AKIRIN1: variants seen among roughly 807,000 people sequenced by gnomAD.
The protein encoded by AKIRIN1 is akirin-1.
AKIRIN1 carries 4 observed loss-of-function variants against 25.9 expected under a neutral mutation model. That is an observed-to-expected ratio of 0.15 (90% CI 0.08 to 0.35). The LOEUF (loss-of-function observed/expected upper bound fraction) is 0.35, where lower values mean the gene tolerates loss of function less well. AKIRIN1 is among the 10% of genes least tolerant of loss of function. AKIRIN1 has a pLI of 1.00. For synonymous variants in AKIRIN1, 125 were observed against 105.1 expected, an observed-to-expected ratio of 1.19 and a Z score of -1.16; for missense variants, 243 against 266.1, an observed-to-expected ratio of 0.91 and a Z score of 0.61.
intron 3 of AKIRIN1, among the ~76,000 whole-genome samples, chr1:39,002,501 C>T (rs937308237): frequency 6.6e-6 from 1 of 152,052 alleles, no homozygotes; most frequent in Non-Finnish European, 1.5e-5. Context: ...GAGGCCGAGG[C>T]GGGCAGATTA....
intron 3 of AKIRIN1, 57 bp downstream of exon 3, chr1:39,001,163 C>A: frequency 6.5e-7 from 1 of 1,538,678 alleles, no homozygotes. Context: ...AAAATTAACA[C>A]CAGTTAAATA....
chr1:38,992,748 A>G (rs1643917468), intron 1 of AKIRIN1, among the ~76,000 whole-genome samples: 1 of 151,704 alleles, frequency 6.6e-6, no homozygotes, highest in African/African-American at 2.4e-5. Flanking sequence ...TCTCTTACAC[A>G]TTTTTTTCAA....
chr1:39,001,431 T>C (rs955286171), intron 3 of AKIRIN1, among the ~76,000 whole-genome samples: 2 of 151,872 alleles, frequency 1.3e-5, no homozygotes, highest in Admixed American at 6.6e-5. Flanking sequence ...GCCTGGCTAA[T>C]TTTTTTGTAT....
rs1312226611 is a variant in AKIRIN1 at position 38,994,327 on chromosome 1, C to T, written c.220+2727C>T. Among the ~76,000 whole-genome samples the T allele has an allele frequency of 2.0e-5, 3 of 152,098 alleles. No individual in the cohort carries two copies. In the South Asian group the frequency reaches 6.2e-4, roughly 32 times the overall value. On this transcript the variant is annotated intron_variant, in intron 1 of 4. Coordinates refer to ENST00000432648, the MANE Select transcript of AKIRIN1 (RefSeq NM_024595.3). ...GTATGGTACTTTTTGTGGAAAGGTC[C>T]TGTAAAACTAAGCCTTTTATTGCTT...
Position 38,998,184 on chromosome 1 carries a change from G to T in AKIRIN1, c.234G>T (p.Gln78His). 6.2e-7 allele frequency: 1 copy of T among 1,606,858 alleles called. No homozygotes were observed. The stretch of plus-strand genomic sequence containing the variant: ...CTTTTTTATTAGAGCAAATTTTTCA[G>T]AACATAAAACAAGAATATAGTCGTT... The part of the protein sequence containing the change: ...RRLPTPEQIF[Q>H]NIKQEYSRYQ... The change falls in exon 2 of 5, where the codon CAG (glutamine) becomes CAT (histidine). Residue 78 changes from glutamine to histidine, a missense_variant. Gln to His is a conservative substitution (Grantham distance 24). This residue lies in a region of AKIRIN1 where 190 missense variants were observed against 174.4 expected (regional missense o/e 1.09). Transcript: ENST00000432648.
At chr1:39,001,404 C>T (rs1305097853) in intron 3 of AKIRIN1, among the ~76,000 whole-genome samples, 1 of 150,750 alleles carries the variant, frequency 6.6e-6, no homozygotes, top group Non-Finnish European at 1.5e-5. Context: ...GCTGGGATTA[C>T]AGGCATGCGC....
chr1:38,999,820 T>G (rs1643974588), intron 2 of AKIRIN1, among the ~76,000 whole-genome samples: 1 of 152,228 alleles, frequency 6.6e-6, no homozygotes, highest in Admixed American at 6.5e-5. Context: ...GAGGAACACC[T>G]GAGAACAGGG....
intron 3 of AKIRIN1, among the ~76,000 whole-genome samples, chr1:39,001,910 G>T (rs1643995429): frequency 6.6e-6 from 1 of 152,172 alleles, no homozygotes; most frequent in Non-Finnish European, 1.5e-5. Context: ...CATAGTTATG[G>T]ATGTGGCGAG....
intron 1 of AKIRIN1, 62 bp downstream of exon 1, chr1:38,991,662 GTGGGGGA>G: frequency 2.3e-6 from 2 of 888,114 alleles, no homozygotes; most frequent in Non-Finnish European, 2.9e-6. Flanking sequence ...GGGGGGGGTG[GTGGGGGA>G]GGGTTGGGAA....
chr1:39,003,200 G>A (rs1385522971), intron 3 of AKIRIN1, 147 bp from the exon 4 acceptor site: 1 of 733,078 alleles, frequency 1.4e-6, no homozygotes, highest in African/African-American at 1.8e-5. Flanking sequence ...TTTATATAAG[G>A]TCACTGGACT....
intron 3 of AKIRIN1, among the ~76,000 whole-genome samples, chr1:39,002,502 G>A (rs1393759842): frequency 1.3e-5 from 2 of 152,234 alleles, no homozygotes; most frequent in Middle Eastern, 3.4e-3. Context: ...AGGCCGAGGC[G>A]GGCAGATTAC....
Position 38,991,578 on chromosome 1 carries a change from C to T in AKIRIN1, c.198C>T (p.Ser66=), listed in dbSNP as rs778155953. 6.2e-5 allele frequency: 78 copies of T among 1,249,680 alleles called. No homozygotes were observed. Among genetic ancestry groups the T allele is most frequent in the Non-Finnish European group, 7.3e-5 (72 of 989,740 alleles). The allele number at this position is 1,249,680 out of a possible 1,614,324, so 77.4% of individuals were successfully genotyped here. The change falls in exon 1 of 5, where the codon AGC becomes AGT. Residue 66 remains serine, a synonymous_variant. Coordinates refer to ENST00000432648, the MANE Select transcript of AKIRIN1 (RefSeq NM_024595.3). ...TGCAGCAGCCCGCCCCGCCCGGCAGCGAGCGGCGCCTTCCAACTCCGGGTA... is the reference window on the plus strand; with the variant it reads ...TGCAGCAGCCCGCCCCGCCCGGCAGTGAGCGGCGCCTTCCAACTCCGGGTA... The part of the protein sequence containing the change: ...QSLQQPAPPG[S]ERRLPTPEQI...
intron 1 of AKIRIN1, among the ~76,000 whole-genome samples, chr1:38,993,880 GAC>G (rs1164174049): frequency 6.6e-6 from 1 of 151,960 alleles, no homozygotes; most frequent in African/African-American, 2.4e-5. Flanking sequence ...AGACCACCCT[GAC>G]ACACATGGAG....
At chr1:38,995,573 C>T (rs1434599479) in intron 1 of AKIRIN1, among the ~76,000 whole-genome samples, 1 of 152,170 alleles carries the variant, frequency 6.6e-6, no homozygotes, top group Non-Finnish European at 1.5e-5. Flanking sequence ...TTAGTCCTAC[C>T]ACCCTCAAAA....
At chr1:38,996,856 T>C (rs1269530886) in intron 1 of AKIRIN1, among the ~76,000 whole-genome samples, 1 of 152,238 alleles carries the variant, frequency 6.6e-6, no homozygotes, top group Non-Finnish European at 1.5e-5. Flanking sequence ...AAGCATCTCC[T>C]ACATTGTTCT....
Position 38,991,318 on chromosome 1 carries a change from TG to T in AKIRIN1, c.-62del. The T allele has an allele frequency of 7.8e-7, 1 of 1,285,732 alleles. No individual in the cohort carries two copies. Among genetic ancestry groups the T allele is most frequent in the Non-Finnish European group, 9.9e-7 (1 of 1,010,432 alleles). The allele number at this position is 1,285,732 out of a possible 1,614,324, so 79.6% of individuals were successfully genotyped here. On this transcript the variant is annotated 5_prime_UTR_variant, in exon 1 of 5. Transcript: ENST00000432648. ...AGCCGGCTTGGCTGGCGAGCCCGGC[TG>T]AGGAGCCTCTTGGGCCGCACTTACC... is the stretch of plus-strand genomic sequence containing the variant.
chr1:39,004,415 GTGTA>G lies in AKIRIN1; in HGVS notation c.*362_*365del. On this transcript the variant is annotated 3_prime_UTR_variant, in exon 5 of 5. Transcript: ENST00000432648. Reference sequence around the variant, plus strand: ...TGAGAGTGTGTGTATATGTGTGTATGTGTATTTTAAGTTATTATTTGTATTGTGC... The same window carrying G: ...TGAGAGTGTGTGTATATGTGTGTATGTTTTAAGTTATTATTTGTATTGTGC... The G allele has an allele frequency of 2.7e-6, 1 of 367,234 alleles. No individual in the cohort carries two copies. Among genetic ancestry groups the G allele is most frequent in the Non-Finnish European group, 5.1e-6 (1 of 196,444 alleles). 22.7% of individuals were successfully genotyped at this position (367,234 alleles called of 1,614,324 possible). A position where few individuals can be genotyped will look rare whatever the true frequency, so the allele number is the denominator to read the frequency against.
intron 1 of AKIRIN1, among the ~76,000 whole-genome samples, chr1:38,991,902 C>A (rs1213485608): frequency 6.6e-6 from 1 of 151,986 alleles, no homozygotes; most frequent in African/African-American, 2.4e-5. Flanking sequence ...TCGCTGAAGC[C>A]CCTCCTTCCT....
At chr1:38,991,715 C>T (rs1570968920) in intron 1 of AKIRIN1, 115 bp downstream of exon 1, 8 of 1,150,766 alleles carry the variant, frequency 7.0e-6, no homozygotes, top group African/African-American at 3.2e-5. Flanking sequence ...CCTTCTTTGC[C>T]TTGAGAAAAG....
Sources: allele counts gnomAD v4.1 joint callset (sites outside exome capture counted in the v4.1 genomes callset), GRCh38; gene constraint gnomAD v4.1.1; regional missense constraint gnomAD v4.1.1; transcripts MANE v1.5; gene names NCBI Gene and HGNC (gene_info 2026-07-23, HGNC 2026-07-21).